Variants in MRS2 observed in about 807,000 individuals in gnomAD.
MRS2 encodes the protein magnesium transporter MRS2 homolog, mitochondrial.
MRS2 carries 40 observed loss-of-function variants against 52.6 expected under a neutral mutation model. The observed-to-expected ratio is 0.76, with a 90% CI of 0.59 to 0.99. The LOEUF (loss-of-function observed/expected upper bound fraction) is 0.99. Among genes scored for constraint, MRS2 ranks in the 50% least tolerant of loss-of-function variants. MRS2 has a pLI of 0.00. For synonymous variants in MRS2, 193 were observed against 195.9 expected (o/e 0.98, Z 0.13); for missense variants, 472 against 532.7 (o/e 0.89, Z 1.12).
Position 24,422,944 on chromosome 6 carries a change from G to A in MRS2, c.1115G>A (p.Arg372Lys). 1 of 1,612,662 alleles carries A rather than the reference G, an allele frequency of 6.2e-7. No homozygotes were observed. The highest frequency in any genetic ancestry group is 8.5e-7 in the Non-Finnish European group (1 of 1,178,990). Residue 372 changes from arginine (R) to lysine (K), a missense_variant, in exon 10 of 11, where the codon AGA becomes AAA. Transcript: ENST00000378386. ...AACTGTGTTCTCTTTTAGGACCATA[G>A]AATTTTTTGGCTGATTACAGGAATT... ...NLESSLEEDH[R>K]IFWLITGIMF...
At position 24,424,921 on chromosome 6, in the gene MRS2, AT is replaced by A. The variant is rs1243751478; in HGVS notation, c.*1228del. ...CCGTCGCTGATTTGGAAGAAAACCG[AT>A]GAAGTACAAGTAAGGTTTCCCCACT... On this transcript the variant is annotated 3_prime_UTR_variant, in exon 11 of 11. Transcript: ENST00000378386. 1 of 151,824 alleles carries A rather than the reference AT, an allele frequency of 6.6e-6. No homozygotes were observed. The highest frequency in any genetic ancestry group is 2.4e-5 in the African/African-American group (1 of 41,430). The allele number at this position is 151,824 out of a possible 1,614,324, so 9.4% of individuals were successfully genotyped here.
chr6:24,423,114 A>G, intron 10 of MRS2, 64 bp downstream of exon 10: 2 of 1,331,666 alleles, frequency 1.5e-6, no homozygotes, highest in Non-Finnish European at 1.1e-6. Context: ...CTAAAGTCAG[A>G]GCGCCTGGGA....
At chr6:24,414,790 A>C (rs1461285239) in intron 5 of MRS2, among the ~76,000 whole-genome samples, 1 of 152,166 alleles carries the variant, frequency 6.6e-6, no homozygotes, top group African/African-American at 2.4e-5. Flanking sequence ...AAAGACTCTT[A>C]CGAGAGTTAG....
chr6:24,406,104 C>CAAAA (rs35874058), intron 2 of MRS2, among the ~76,000 whole-genome samples: 2 of 103,154 alleles, frequency 1.9e-5, no homozygotes, highest in Non-Finnish European at 1.8e-5. Flanking sequence ...GACTCCATCT[C>CAAAA]AAAAAAAAAA....
chr6:24,417,798 TG>T (rs1234917192), intron 7 of MRS2, among the ~76,000 whole-genome samples: 1 of 151,872 alleles, frequency 6.6e-6, no homozygotes, highest in Non-Finnish European at 1.5e-5. Flanking sequence ...AAAAATTAGC[TG>T]GGCGTGGTGG....
At chr6:24,415,337 A>C (rs1273282207) in intron 6 of MRS2, among the ~76,000 whole-genome samples, 174 bp downstream of exon 6, 1 of 152,212 alleles carries the variant, frequency 6.6e-6, no homozygotes, top group East Asian at 1.9e-4. Flanking sequence ...ATGAAATGTC[A>C]TGTAAGGCTC....
Position 24,415,179 on chromosome 6 carries a change from G to A in MRS2, c.719+16G>A. The A allele has an allele frequency of 6.5e-7, 1 of 1,539,390 alleles. No individual in the cohort carries two copies. The highest frequency in any genetic ancestry group is 1.4e-5 in the African/African-American group (1 of 73,830). ...ATGGCAAAAGGTAAATATGGATGATGTATCACATTGGGAGTTGGAGACAAA... is the reference window on the plus strand; with the variant it reads ...ATGGCAAAAGGTAAATATGGATGATATATCACATTGGGAGTTGGAGACAAA... On this transcript the variant is annotated intron_variant, in intron 6 of 10. Coordinates refer to ENST00000378386, the MANE Select transcript of MRS2 (RefSeq NM_020662.4).
chr6:24,408,329 T>C (rs1323917665), intron 2 of MRS2, 79 bp from the exon 3 acceptor site: 1 of 921,888 alleles, frequency 1.1e-6, no homozygotes, highest in Non-Finnish European at 1.8e-6. Context: ...TACCATAAAT[T>C]CTTAACTAAA....
chr6:24,424,986 C>G lies in MRS2; in HGVS notation c.*1292C>G, dbSNP rs2753926. ...ATGGGAAGCCATTAGAGGGAAGCTGCAGAACAGAATGGAACAGGACAGGCT... is the reference window on the plus strand; with the variant it reads ...ATGGGAAGCCATTAGAGGGAAGCTGGAGAACAGAATGGAACAGGACAGGCT... On this transcript the variant is annotated 3_prime_UTR_variant, in exon 11 of 11. Coordinates refer to ENST00000378386, the MANE Select transcript of MRS2 (RefSeq NM_020662.4). 150,666 of 152,340 alleles carry G rather than the reference C, an allele frequency of 0.99. 74,528 individuals carry two copies. Among genetic ancestry groups the G allele is most frequent in the East Asian group, 1 (5,182 of 5,182 alleles). 9.4% of individuals were successfully genotyped at this position (152,340 alleles called of 1,614,324 possible).
chr6:24,411,804 T>G (rs1340788570), intron 4 of MRS2, among the ~76,000 whole-genome samples: 1 of 151,884 alleles, frequency 6.6e-6, no homozygotes, highest in Non-Finnish European at 1.5e-5. Flanking sequence ...CCAAAAGTGC[T>G]GGGATTACAG....
Position 24,415,162 on chromosome 6 carries a change from A to T in MRS2, c.718A>T (p.Ser240Cys), listed in dbSNP as rs1194357201. Residue 240 changes from serine to cysteine, a missense_variant and splice_region_variant, in exon 6 of 11, where the codon AGT (serine) becomes TGT (cysteine). Physicochemically the swap from Ser to Cys is moderately radical, Grantham distance 112. Transcript: ENST00000378386. ...GCACATTTTACTACAGAATGGCAAA[A>T]GGTAAATATGGATGATGTATCACAT... ...KLHILLQNGK[S>C]LSELETDIKI... 1 of 1,579,996 alleles carries T rather than the reference A, an allele frequency of 6.3e-7. No individual in the cohort carries two copies. The highest frequency in any genetic ancestry group is 8.7e-7 in the Non-Finnish European group (1 of 1,155,042).
chr6:24,403,658 A>G (rs1443823547), intron 1 of MRS2, among the ~76,000 whole-genome samples: 1 of 152,218 alleles, frequency 6.6e-6, no homozygotes, highest in African/African-American at 2.4e-5. Flanking sequence ...GCCTCGAGCC[A>G]TCCTAACGCA....
chr6:24,413,310 A>C (rs1581701814), intron 5 of MRS2, among the ~76,000 whole-genome samples: 1 of 152,056 alleles, frequency 6.6e-6, no homozygotes. Context: ...GGCTGTGGGG[A>C]GAATAGAGAG....
chr6:24,414,973 G>T, intron 5 of MRS2, 60 bp from the exon 6 acceptor site: 1 of 1,432,982 alleles, frequency 7.0e-7, no homozygotes, highest in South Asian at 1.5e-5. Flanking sequence ...AGGATTCACT[G>T]ATCCTGAATA....
intron 4 of MRS2, 62 bp from the exon 5 acceptor site, chr6:24,412,160 T>C: frequency 8.8e-6 from 8 of 904,826 alleles, no homozygotes; most frequent in East Asian, 2.7e-5. Context: ...TATATGTATA[T>C]ACATGCATGT....
chr6:24,418,055 A>T, intron 7 of MRS2, 29 bp from the exon 8 acceptor site: 1 of 1,593,814 alleles, frequency 6.3e-7, no homozygotes, highest in East Asian at 2.2e-5. Flanking sequence ...TGTTGGGAGT[A>T]TGTTAATTAT....
At position 24,423,570 on chromosome 6, in the gene MRS2, TCTG is replaced by T. The variant is rs756786676; in HGVS notation, c.1222-11_1222-9del. Reference sequence around the variant, plus strand: ...TAAAAAAGATACTAAAATTAATACTTCTGCTTTATTTAGATGGCTTCTTTACCT... The same window carrying T: ...TAAAAAAGATACTAAAATTAATACTTCTTTATTTAGATGGCTTCTTTACCT... On this transcript the variant is annotated splice_polypyrimidine_tract_variant and intron_variant, in intron 10 of 10. Coordinates refer to ENST00000378386, the MANE Select transcript of MRS2 (RefSeq NM_020662.4). 11 of 1,455,894 alleles carry T rather than the reference TCTG, an allele frequency of 7.6e-6. No homozygotes were observed. Among genetic ancestry groups the T allele is most frequent in the Non-Finnish European group, 9.6e-6 (10 of 1,046,616 alleles). The allele number at this position is 1,455,894 out of a possible 1,614,324, so 90.2% of individuals were successfully genotyped here.
intron 1 of MRS2, among the ~76,000 whole-genome samples, chr6:24,403,549 T>G (rs1761360651): frequency 1.3e-5 from 2 of 152,178 alleles, no homozygotes; most frequent in African/African-American, 4.8e-5. Flanking sequence ...CGTGATCACG[T>G]TAGTTAACAC....
chr6:24,420,647 A>G (rs1327709126), intron 9 of MRS2, among the ~76,000 whole-genome samples: 1 of 152,202 alleles, frequency 6.6e-6, no homozygotes, highest in Non-Finnish European at 1.5e-5. Flanking sequence ...AAGCGGATAG[A>G]GAATGTTAGG....
Sources: gnomAD v4.1 joint callset for allele counts (sites outside exome capture counted in the v4.1 genomes callset) on GRCh38, gnomAD v4.1.1 for gene constraint, MANE v1.5 for transcripts, NCBI Gene and HGNC (gene_info 2026-07-23, HGNC 2026-07-21) for gene names.